The following RXFP1 variants were observed in gnomAD, a reference collection of about 807,000 sequenced individuals.
RXFP1 encodes the protein relaxin receptor 1.
In RXFP1, 73 loss-of-function variants were observed where a neutral mutation model predicts 89.8. That is an observed-to-expected ratio of 0.81 (90% CI 0.67 to 0.99). RXFP1 has a LOEUF of 0.99. RXFP1 is among the 50% of genes least tolerant of loss of function. RXFP1 has a pLI of 0.00. For synonymous variants in RXFP1, 277 were observed against 305.5 expected (o/e 0.91, Z 0.97); for missense variants, 793 against 895.5 (o/e 0.89, Z 1.46).
rs1036362201 is a variant in RXFP1, at chr4:158,610,522, A to G, written c.537-1608A>G. ...TGATCTAAGATGGGAAAACAATGCC[A>G]ACATATATAAAACATTAGAGAACCA... is the stretch of plus-strand genomic sequence containing the variant. On this transcript the variant is annotated intron_variant, in intron 6 of 17. Transcript: ENST00000307765. 3 of 423,166 alleles carry G rather than the reference A, an allele frequency of 7.1e-6. No homozygotes were observed. The East Asian group carries it at 2.1e-4, about 30-fold the overall frequency. 26.2% of individuals were successfully genotyped at this position (423,166 alleles called of 1,614,324 possible).
chr4:158,589,456 A>G (rs1412617453), intron 2 of RXFP1, among the ~76,000 whole-genome samples: 1 of 152,134 alleles, frequency 6.6e-6, no homozygotes. Flanking sequence ...CTCTAAGTCC[A>G]ATTTGTGTTC....
Position 158,652,286 on chromosome 4 carries a change from A to C in RXFP1, c.*231A>C. Reference sequence around the variant, plus strand: ...TTGCATAAGAAATTAAGAGAAATCTACTTCAGTAACATTCATTCATTTTTC... The same window carrying C: ...TTGCATAAGAAATTAAGAGAAATCTCCTTCAGTAACATTCATTCATTTTTC... On this transcript the variant is annotated 3_prime_UTR_variant, in exon 18 of 18. Transcript: ENST00000307765. The C allele has an allele frequency of 2.3e-6, 1 of 431,792 alleles. No individual in the cohort carries two copies. The highest frequency in any genetic ancestry group is 4.1e-6 in the Non-Finnish European group (1 of 245,362). The allele number at this position is 431,792 out of a possible 1,614,324, so 26.7% of individuals were successfully genotyped here.
At position 158,652,000 on chromosome 4, in the gene RXFP1, A is replaced by G; in HGVS notation, c.2219A>G (p.Tyr740Cys). 6.2e-7 allele frequency: 1 copy of G among 1,613,948 alleles called. No individual in the cohort carries two copies. The highest frequency in any genetic ancestry group is 8.5e-7 in the Non-Finnish European group (1 of 1,179,918). Reference sequence around the variant, plus strand: ...TTAATGAAGCCGGACCTTTTCACATACCCCTGTGAAATGTCACTGATTTCT... The same window carrying G: ...TTAATGAAGCCGGACCTTTTCACATGCCCCTGTGAAATGTCACTGATTTCT... ...PELMKPDLFT[Y>C]PCEMSLISQS... The change falls in exon 18 of 18, where the codon TAC becomes TGC. Residue 740 changes from tyrosine (Y) to cysteine (C), a missense_variant. Physicochemically the swap from Tyr to Cys is radical, Grantham distance 194. Coordinates refer to ENST00000307765, the MANE Select transcript of RXFP1 (RefSeq NM_021634.4).
chr4:158,604,916 C>A (rs1386651437), intron 4 of RXFP1, 152 bp from the exon 5 acceptor site: 2 of 457,604 alleles, frequency 4.4e-6, no homozygotes, highest in African/African-American at 2.0e-5. Flanking sequence ...AGACCTAGTT[C>A]AAGTGATATG....
intron 1 of RXFP1, among the ~76,000 whole-genome samples, chr4:158,522,675 T>A (rs17219243): frequency 0.13 from 19,474 of 152,200 alleles, 1,345 homozygotes; most frequent in Middle Eastern, 0.19. Flanking sequence ...GGGAAACAGT[T>A]GTTGTGTGTT....
Position 158,637,991 on chromosome 4 carries a change from C to CT in RXFP1, c.972-10dup, listed in dbSNP as rs35818367. ...AGTTTTTAGAAATGACCTATTGCTG[C>CT]TTTTTTTAAAAAACAGGAATCTTTC... On this transcript the variant is annotated splice_polypyrimidine_tract_variant and intron_variant, in intron 12 of 17. Transcript: ENST00000307765. The CT allele has an allele frequency of 5.9e-6, 9 of 1,535,700 alleles. No homozygotes were observed. The highest frequency in any genetic ancestry group is 1.7e-5 in the Admixed American group (1 of 58,516).
intron 1 of RXFP1, chr4:158,544,196 T>G (rs1235001162): frequency 1.8e-5 from 18 of 985,214 alleles, no homozygotes; most frequent in Non-Finnish European, 2.2e-5. Context: ...ACCGCAAGTC[T>G]GAGTTTATAA....
chr4:158,554,615 GT>G (rs1750864508), intron 1 of RXFP1, among the ~76,000 whole-genome samples: 2 of 151,584 alleles, frequency 1.3e-5, no homozygotes, highest in African/African-American at 4.8e-5. Flanking sequence ...TTTGTGTGTG[GT>G]TTCCTTTTTT....
At chr4:158,570,575 C>G (rs1043027742) in intron 1 of RXFP1, among the ~76,000 whole-genome samples, 4 of 152,080 alleles carry the variant, frequency 2.6e-5, no homozygotes, top group African/African-American at 9.7e-5. Flanking sequence ...CTTCTCTCCT[C>G]TCCACTGGCG....
chr4:158,602,183 T>C (rs1044694132), intron 4 of RXFP1, among the ~76,000 whole-genome samples: 2 of 152,222 alleles, frequency 1.3e-5, no homozygotes, highest in Admixed American at 6.5e-5. Flanking sequence ...CAATAGGATA[T>C]TGTGAAATGT....
intron 11 of RXFP1, among the ~76,000 whole-genome samples, chr4:158,630,107 T>C (rs2150198782): frequency 6.6e-6 from 1 of 152,306 alleles, no homozygotes; most frequent in African/African-American, 2.4e-5. Context: ...TGTTTTTCCT[T>C]ATGCTAGGTA....
chr4:158,588,471 G>A (rs935359465), intron 2 of RXFP1, among the ~76,000 whole-genome samples: 6 of 152,294 alleles, frequency 3.9e-5, no homozygotes, highest in African/African-American at 1.2e-4. Flanking sequence ...TCATGGCTGC[G>A]ACTGACAACG....
intron 3 of RXFP1, 194 bp from the exon 4 acceptor site, chr4:158,599,132 A>T: frequency 2.7e-6 from 2 of 733,480 alleles, no homozygotes; most frequent in Non-Finnish European, 4.3e-6. Context: ...TTGATGCTCT[A>T]CCATCATTTT....
chr4:158,588,158 ACT>A (rs1449984814), intron 2 of RXFP1, among the ~76,000 whole-genome samples: 1 of 151,724 alleles, frequency 6.6e-6, no homozygotes, highest in Non-Finnish European at 1.5e-5. Context: ...AACCCACGTG[ACT>A]CTTTTTTTTA....
intron 9 of RXFP1, among the ~76,000 whole-genome samples, chr4:158,618,786 C>T (rs1387994318): frequency 6.6e-6 from 1 of 151,878 alleles, no homozygotes; most frequent in Non-Finnish European, 1.5e-5. Context: ...GGACAATAAA[C>T]TGAAACCTAT....
At chr4:158,638,811 C>CAAA (rs57989269) in intron 13 of RXFP1, among the ~76,000 whole-genome samples, 6 of 128,042 alleles carry the variant, frequency 4.7e-5, no homozygotes, top group Admixed American at 8.1e-5. Context: ...GACCCTGTCT[C>CAAA]AAAAAAAAAA....
chr4:158,616,267 T>C (rs1011251025), intron 8 of RXFP1, among the ~76,000 whole-genome samples: 1 of 151,382 alleles, frequency 6.6e-6, no homozygotes, highest in South Asian at 2.1e-4. Context: ...ACTAAAAATA[T>C]AAAAAGAAAA....
At chr4:158,568,665 C>A (rs1392995366) in intron 1 of RXFP1, among the ~76,000 whole-genome samples, 1 of 152,094 alleles carries the variant, frequency 6.6e-6, no homozygotes, top group African/African-American at 2.4e-5. Context: ...AATAATTTCA[C>A]AAGTGAGAAC....
chr4:158,596,903 C>A (rs544114251), intron 3 of RXFP1, among the ~76,000 whole-genome samples: 1 of 152,132 alleles, frequency 6.6e-6, no homozygotes, highest in African/African-American at 2.4e-5. Flanking sequence ...TTTGCGTGAT[C>A]CTGCACCCTG....
Sources: gnomAD v4.1 joint callset for allele counts (sites outside exome capture counted in the v4.1 genomes callset) on GRCh38, gnomAD v4.1.1 for gene constraint, MANE v1.5 for transcripts, NCBI Gene and HGNC (gene_info 2026-07-23, HGNC 2026-07-21) for gene names.